The following CNTN1 variants were observed in gnomAD, a reference collection of about 807,000 sequenced individuals.
The protein encoded by CNTN1 is contactin-1.
A neutral mutation model predicts 126.4 loss-of-function variants in CNTN1; 38 were observed. That is an observed-to-expected ratio of 0.30 (90% CI 0.23 to 0.39). CNTN1 has a LOEUF of 0.39. CNTN1 is among the 10% of genes least tolerant of loss of function. The pLI, the probability that CNTN1 is intolerant of heterozygous loss-of-function variation, is 1.00. For synonymous variants in CNTN1, 413 were observed against 422.6 expected, an observed-to-expected ratio of 0.98 and a Z score of 0.28; for missense variants, 1,009 against 1,248.4, an observed-to-expected ratio of 0.81 and a Z score of 2.89.
At chr12:41,015,190 A>G (rs1338118349) in intron 18 of CNTN1, among the ~76,000 whole-genome samples, 9 of 17,760 alleles carry the variant, frequency 5.1e-4, no homozygotes, top group African/African-American at 2.3e-3. Context: ...TTTTAAAGCA[A>G]GATTTAGCAA....
At chr12:40,833,375 C>T (rs11178666) in intron 1 of CNTN1, among the ~76,000 whole-genome samples, 70 of 152,222 alleles carry the variant, frequency 4.6e-4, no homozygotes, top group African/African-American at 7.9e-4. Context: ...AGATTACAGG[C>T]GTGAGGCACT....
At chr12:40,743,643 G>T (rs1480023278) in intron 1 of CNTN1, among the ~76,000 whole-genome samples, 1 of 151,912 alleles carries the variant, frequency 6.6e-6, no homozygotes, top group Non-Finnish European at 1.5e-5. Flanking sequence ...CTTTGTAATG[G>T]GTTGTTTTGT....
chr12:40,971,483 C>G (rs749472455), intron 15 of CNTN1: 2 of 1,596,860 alleles, frequency 1.3e-6, no homozygotes, highest in Non-Finnish European at 1.7e-6. Context: ...CCTTTCTCCC[C>G]GTCTGTGCAA....
chr12:40,706,176 T>C (rs1941735679), intron 1 of CNTN1, among the ~76,000 whole-genome samples: 2 of 152,020 alleles, frequency 1.3e-5, no homozygotes, highest in African/African-American at 2.4e-5. Context: ...TGCAGGTTTG[T>C]TACATATGTA....
At chr12:40,834,971 T>C (rs35489344) in intron 1 of CNTN1, among the ~76,000 whole-genome samples, 5,079 of 152,310 alleles carry the variant, frequency 0.033, 116 homozygotes, top group Middle Eastern at 0.11. Flanking sequence ...TTGGTTAATG[T>C]ATGAGGCTAC....
At chr12:41,069,875 T>C in intron 23 of CNTN1, 84 bp from the exon 24 acceptor site, 1 of 1,075,852 alleles carries the variant, frequency 9.3e-7, no homozygotes, top group South Asian at 1.2e-5. Context: ...GGCTATGCAA[T>C]CTCGCCTTAG....
intron 6 of CNTN1, among the ~76,000 whole-genome samples, chr12:40,926,034 A>G (rs1182332186): frequency 1.3e-5 from 2 of 151,658 alleles, no homozygotes; most frequent in African/African-American, 4.8e-5. Context: ...TACAGCAGGC[A>G]CAATGTATGC....
intron 1 of CNTN1, among the ~76,000 whole-genome samples, chr12:40,813,346 A>C (rs10784883): frequency 0.59 from 88,437 of 151,116 alleles, 26,142 homozygotes; most frequent in East Asian, 0.77. Context: ...CCTCCCCTCA[A>C]CCCCCAACCC....
chr12:41,047,798 G>A (rs146517858), intron 23 of CNTN1, among the ~76,000 whole-genome samples: 259 of 151,866 alleles, frequency 1.7e-3, no homozygotes, highest in African/African-American at 6.0e-3. Context: ...TCTTATTGAT[G>A]TTCTTCCCAC....
At chr12:40,783,763 CT>C (rs1194240909) in intron 1 of CNTN1, among the ~76,000 whole-genome samples, 1 of 152,110 alleles carries the variant, frequency 6.6e-6, no homozygotes, top group African/African-American at 2.4e-5. Context: ...GGAAACTCTT[CT>C]TATGCTAGAA....
At position 40,830,268 on chromosome 12, in the gene CNTN1, C is replaced by A. The variant is rs1447970402; in HGVS notation, c.-76-78089C>A. Among the ~76,000 whole-genome samples the A allele has an allele frequency of 3.9e-5, 6 of 152,008 alleles. No individual in the cohort carries two copies. The South Asian group carries it at 6.2e-4, about 16-fold the overall frequency. On this transcript the variant is annotated intron_variant, in intron 1 of 23. Transcript: ENST00000551295. ...GGTGGTTATAATTAATTTTTATAGG[C>A]TATCAATTGGGAGGAACCAACAAAA...
chr12:40,766,370 A>G (rs973028858), intron 1 of CNTN1, among the ~76,000 whole-genome samples: 1 of 147,440 alleles, frequency 6.8e-6, no homozygotes, highest in Non-Finnish European at 1.5e-5. Flanking sequence ...AAAAAAAAAA[A>G]AAAGAAAGAA....
intron 4 of CNTN1, among the ~76,000 whole-genome samples, chr12:40,921,205 CTT>C (rs1945431342): frequency 6.6e-6 from 1 of 152,126 alleles, no homozygotes; most frequent in Admixed American, 6.6e-5. Flanking sequence ...GTTCCAGTAA[CTT>C]TGATTTGACA....
intron 23 of CNTN1, among the ~76,000 whole-genome samples, chr12:41,043,922 TCTCA>T (rs1949481571): frequency 7.0e-6 from 1 of 142,242 alleles, no homozygotes; most frequent in Non-Finnish European, 1.5e-5. Context: ...CACCGCATGT[TCTCA>T]CTCATAGGTG....
At chr12:40,898,914 A>G (rs185129505) in intron 1 of CNTN1, among the ~76,000 whole-genome samples, 1 of 152,368 alleles carries the variant, frequency 6.6e-6, no homozygotes, top group East Asian at 1.9e-4. Context: ...TCATAATCCT[A>G]TGCAGCAGCA....
chr12:40,906,669 C>CTTTTTTTTTTTTT lies in CNTN1; in HGVS notation c.-76-1679_-76-1678insTTTTTTTTTTTTT, dbSNP rs111442544. 2.0e-3 allele frequency among the ~76,000 whole-genome samples: 218 copies of CTTTTTTTTTTTTT among 107,150 alleles called. 17 individuals carry two copies. Among genetic ancestry groups the CTTTTTTTTTTTTT allele is most frequent in the Non-Finnish European group, 2.7e-3 (146 of 53,248 alleles). The allele number at this position is 107,150 out of a possible 152,430, so 70.3% of individuals were successfully genotyped here. A position where few individuals can be genotyped will look rare whatever the true frequency, so the allele number is the denominator to read the frequency against. On this transcript the variant is annotated intron_variant, in intron 1 of 23. Transcript: ENST00000551295. ...TTTCCTTTTAAAATTGTTTTTCATG[C>CTTTTTTTTTTTTT]TTTTTTTTTGTTTTGTTTTTTTTGA...
At chr12:41,030,268 C>G (rs1390306411) in intron 23 of CNTN1, among the ~76,000 whole-genome samples, 1 of 151,744 alleles carries the variant, frequency 6.6e-6, no homozygotes, top group Non-Finnish European at 1.5e-5. Context: ...ACAAAAAATC[C>G]TTTACCACAA....
At chr12:40,865,731 AGTG>A (rs1395268195) in intron 1 of CNTN1, among the ~76,000 whole-genome samples, 1 of 151,992 alleles carries the variant, frequency 6.6e-6, no homozygotes, top group African/African-American at 2.4e-5. Context: ...GTTACTTTGT[AGTG>A]AATTTGAAAT....
chr12:40,836,230 AATAC>A (rs2136566711), intron 1 of CNTN1, among the ~76,000 whole-genome samples: 1 of 148,182 alleles, frequency 6.7e-6, no homozygotes, highest in East Asian at 1.9e-4. Flanking sequence ...TGTATATATG[AATAC>A]ATAATCATAT....
Sources: gnomAD v4.1 joint callset for allele counts (sites outside exome capture counted in the v4.1 genomes callset) on GRCh38, gnomAD v4.1.1 for gene constraint, MANE v1.5 for transcripts, NCBI Gene and HGNC (gene_info 2026-07-23, HGNC 2026-07-21) for gene names.